Variants in MASP1 observed in about 807,000 individuals in gnomAD.
The protein encoded by MASP1 is mannan-binding lectin serine protease 1.
MASP1 carries 59 observed loss-of-function variants against 77.1 expected under a neutral mutation model. That is an observed-to-expected ratio of 0.77 (90% CI 0.62 to 0.95). MASP1 has a LOEUF of 0.95. Ranked by LOEUF, MASP1 falls within the 40% of genes least tolerant of loss-of-function variation. MASP1 has a pLI of 0.00. For synonymous variants in MASP1, 362 were observed against 354.5 expected (o/e 1.02, Z -0.24); for missense variants, 885 against 912.9 (o/e 0.97, Z 0.39).
intron 5 of MASP1, 71 bp downstream of exon 5, chr3:187,256,593 G>A (rs1018840805): frequency 5.1e-5 from 74 of 1,443,592 alleles, no homozygotes; most frequent in Middle Eastern, 2.3e-4. Context: ...TGAAGGTTCC[G>A]CAATATCAAT....
intron 2 of MASP1, among the ~76,000 whole-genome samples, chr3:187,279,913 G>A (rs1717274196): frequency 1.3e-5 from 2 of 152,080 alleles, no homozygotes; most frequent in Admixed American, 1.3e-4. Context: ...TATATTCTAT[G>A]GAACCGTGAA....
chr3:187,232,596 C>A (rs2108508981), downstream of MASP1, among the ~76,000 whole-genome samples: 1 of 152,248 alleles, frequency 6.6e-6, no homozygotes, highest in Admixed American at 6.5e-5. Context: ...TTTTCTTCAA[C>A]CCCATGTTCA....
chr3:187,274,594 C>T (rs933344728), intron 2 of MASP1, among the ~76,000 whole-genome samples: 3 of 152,222 alleles, frequency 2.0e-5, no homozygotes, highest in African/African-American at 7.2e-5. Flanking sequence ...GTACTGGGGC[C>T]TAGGTGCACT....
intron 2 of MASP1, among the ~76,000 whole-genome samples, chr3:187,281,581 C>T (rs1263524485): frequency 6.6e-6 from 1 of 152,208 alleles, no homozygotes; most frequent in Non-Finnish European, 1.5e-5. Context: ...ACCAAGGCAT[C>T]CCCAGCAGGC....
intron 8 of MASP1, chr3:187,247,269 T>G: frequency 6.2e-7 from 1 of 1,613,674 alleles, no homozygotes; most frequent in Non-Finnish European, 8.5e-7. Context: ...GGTGCAGCTC[T>G]GGGCCCCAGG....
chr3:187,279,731 C>A (rs144431483), intron 2 of MASP1, among the ~76,000 whole-genome samples: 178 of 152,276 alleles, frequency 1.2e-3, no homozygotes, highest in South Asian at 1.9e-3. Context: ...GCTAAGAAAT[C>A]CTACTTAGAG....
At chr3:187,286,954 A>C (rs1261726462) in intron 1 of MASP1, among the ~76,000 whole-genome samples, 3 of 151,978 alleles carry the variant, frequency 2.0e-5, no homozygotes, top group Non-Finnish European at 4.4e-5. Context: ...CTTTTCATTT[A>C]CCCCAGAGTC....
chr3:187,245,929 G>C (rs1364138316), intron 8 of MASP1, among the ~76,000 whole-genome samples: 4 of 152,200 alleles, frequency 2.6e-5, no homozygotes, highest in Non-Finnish European at 5.9e-5. Context: ...GCTTTCTAGA[G>C]AACGATGTGC....
intron 5 of MASP1, among the ~76,000 whole-genome samples, chr3:187,253,891 T>G (rs1714847146): frequency 6.6e-6 from 1 of 151,856 alleles, no homozygotes; most frequent in African/African-American, 2.4e-5. Flanking sequence ...CTAATGCATG[T>G]GGGGCTTAAA....
intron 5 of MASP1, among the ~76,000 whole-genome samples, chr3:187,254,813 A>T (rs539877310): frequency 9.9e-5 from 15 of 152,010 alleles, no homozygotes; most frequent in Non-Finnish European, 1.9e-4. Context: ...GTTCTTTTCC[A>T]TGTCTTTAAC....
intron 2 of MASP1, among the ~76,000 whole-genome samples, chr3:187,282,742 C>T (rs769851872): frequency 5.9e-5 from 9 of 152,166 alleles, no homozygotes; most frequent in East Asian, 1.9e-4. Context: ...TGGTGCCCCA[C>T]GGCTGTTGGA....
chr3:187,223,140 TCTG>T (rs761632483), exon 14 of MASP1: 24 of 1,614,012 alleles, frequency 1.5e-5, no homozygotes, highest in Non-Finnish European at 1.9e-5. Flanking sequence ...CATCAGGGTC[TCTG>T]GGAACCTTTG....
chr3:187,223,334 G>A (rs973901250), intron 13 of MASP1: 4 of 753,658 alleles, frequency 5.3e-6, no homozygotes, highest in Admixed American at 4.0e-5. Flanking sequence ...TGGTGGGGAG[G>A]AAGACGTGAA....
At position 187,235,807 on chromosome 3, in the gene MASP1, TC is replaced by T. The variant is rs750821864; in HGVS notation, c.2063del (p.Gly688AspfsTer53). 4 of 1,613,160 alleles carry T rather than the reference TC, an allele frequency of 2.5e-6. No homozygotes were observed. The highest frequency in any genetic ancestry group is 2.7e-5 in the African/African-American group (2 of 74,564). On this transcript the variant is annotated frameshift_variant, in exon 11 of 11. Coordinates refer to ENST00000296280, the MANE Select transcript of MASP1 (RefSeq NM_139125.4). LOFTEE classifies it high-confidence loss of function. The part of the protein sequence containing the change: ...WVVQGLVSWG[G>X]PEECGSKQVY... Reference sequence around the variant, plus strand: ...CCTGCTTGCTGCCGCATTCTTCAGGTCCCCCCCAGGACACCAGGCCTTGCAC... The same window carrying T: ...CCTGCTTGCTGCCGCATTCTTCAGGTCCCCCCAGGACACCAGGCCTTGCAC...
At chr3:187,247,371 G>T (rs1420504248) in intron 8 of MASP1, 2 of 1,614,022 alleles carry the variant, frequency 1.2e-6, no homozygotes, top group Admixed American at 3.3e-5. Context: ...TCGCTCTCCA[G>T]ATCGATTTCA....
chr3:187,220,622 C>T (rs1462729887), intron 15 of MASP1, among the ~76,000 whole-genome samples: 3 of 151,672 alleles, frequency 2.0e-5, no homozygotes, highest in Admixed American at 1.3e-4. Flanking sequence ...CTCAGCCTCC[C>T]GAGTAGCTGG....
chr3:187,267,645 C>G lies in MASP1; in HGVS notation c.238-4925G>C, dbSNP rs76400858. On this transcript the variant is annotated intron_variant, in intron 2 of 10. Coordinates refer to ENST00000296280, the MANE Select transcript of MASP1 (RefSeq NM_139125.4). ...TACTGGCTCTGATGACCAACAGTGGCCCATGCCTATCATCAGATACTTTCA... is the reference window on the plus strand; with the variant it reads ...TACTGGCTCTGATGACCAACAGTGGGCCATGCCTATCATCAGATACTTTCA... Among the ~76,000 whole-genome samples the G allele has an allele frequency of 5.2e-3, 795 of 152,346 alleles. 14 individuals are homozygous for G. Among genetic ancestry groups the G allele is most frequent in the Admixed American group, 0.028 (431 of 15,310 alleles).
chr3:187,263,984 GA>G (rs1253613012), intron 2 of MASP1, among the ~76,000 whole-genome samples: 1 of 152,214 alleles, frequency 6.6e-6, no homozygotes, highest in East Asian at 1.9e-4. Context: ...CAAGATGCAT[GA>G]AAAAAATCTC....
At chr3:187,224,194 C>G (rs1333406903) in intron 13 of MASP1, among the ~76,000 whole-genome samples, 2 of 152,216 alleles carry the variant, frequency 1.3e-5, no homozygotes, top group African/African-American at 4.8e-5. Context: ...TAAGTATTAT[C>G]TCAAACACGG....
Sources: allele counts gnomAD v4.1 joint callset (sites outside exome capture counted in the v4.1 genomes callset), GRCh38; gene constraint gnomAD v4.1.1; transcripts MANE v1.5; gene names NCBI Gene and HGNC (gene_info 2026-07-23, HGNC 2026-07-21).